The following TMEM132B variants were observed in gnomAD, a reference collection of about 807,000 sequenced individuals.
The protein encoded by TMEM132B is transmembrane protein 132B.
Under a neutral mutation model 90.8 loss-of-function variants are expected in TMEM132B, and 18 were observed. That is an observed-to-expected ratio of 0.20 (90% CI 0.14 to 0.29). The LOEUF is 0.29. Among genes scored for constraint, TMEM132B ranks in the 10% least tolerant of loss-of-function variants. The probability of loss-of-function intolerance (pLI) is 1.00; values close to 1 mark genes in which losing one functional copy is unlikely to be tolerated. For synonymous variants in TMEM132B, 504 were observed against 523.3 expected (o/e 0.96, Z 0.50); for missense variants, 1,096 against 1,326.8 (o/e 0.83, Z 2.70).
chr12:125,508,629 T>C (rs904705510), intron 3 of TMEM132B, among the ~76,000 whole-genome samples: 3 of 152,154 alleles, frequency 2.0e-5, no homozygotes, highest in Non-Finnish European at 4.4e-5. Flanking sequence ...TCAACTTGCC[T>C]ATTAGGCATG....
At chr12:125,315,952 TG>T (rs1299885062) in intron 1 of TMEM132B, among the ~76,000 whole-genome samples, 1 of 152,088 alleles carries the variant, frequency 6.6e-6, no homozygotes, top group Admixed American at 6.5e-5. Context: ...ACCCCCTGGA[TG>T]TTGCAGAAAT....
At chr12:125,589,265 G>C (rs920441864) in intron 5 of TMEM132B, among the ~76,000 whole-genome samples, 2 of 152,076 alleles carry the variant, frequency 1.3e-5, no homozygotes, top group Admixed American at 1.3e-4. Flanking sequence ...GGCAGATCAC[G>C]AGGTCAGGAG....
At chr12:125,290,472 CA>C (rs1247998881) in intron 1 of TMEM132B, among the ~76,000 whole-genome samples, 1 of 152,170 alleles carries the variant, frequency 6.6e-6, no homozygotes, top group African/African-American at 2.4e-5. Context: ...CTGAATTTAG[CA>C]ATTTTTCTTA....
At chr12:125,536,411 T>TG (rs1055204296) in intron 4 of TMEM132B, among the ~76,000 whole-genome samples, 4 of 152,168 alleles carry the variant, frequency 2.6e-5, no homozygotes, top group Non-Finnish European at 5.9e-5. Flanking sequence ...ATAAACCTCC[T>TG]GGGGGGCCAC....
chr12:125,331,144 T>A (rs1341008989), intron 1 of TMEM132B, among the ~76,000 whole-genome samples: 1 of 151,836 alleles, frequency 6.6e-6, no homozygotes, highest in Non-Finnish European at 1.5e-5. Context: ...GGAGCCGGAC[T>A]GGGAGCGGGG....
At chr12:125,645,947 G>A (rs12312883) in intron 6 of TMEM132B, among the ~76,000 whole-genome samples, 1 of 152,186 alleles carries the variant, frequency 6.6e-6, no homozygotes, top group African/African-American at 2.4e-5. Context: ...CATGGAAAAA[G>A]CCTCAACTGC....
intron 4 of TMEM132B, among the ~76,000 whole-genome samples, chr12:125,547,908 C>T (rs950232955): frequency 6.6e-6 from 1 of 152,180 alleles, no homozygotes; most frequent in Non-Finnish European, 1.5e-5. Context: ...AGCACATGGC[C>T]AAGAAGCAAT....
intron 1 of TMEM132B, among the ~76,000 whole-genome samples, chr12:125,215,229 T>G (rs192995567): frequency 2.6e-5 from 4 of 152,366 alleles, no homozygotes; most frequent in South Asian, 4.1e-4. Context: ...TGCCACTACC[T>G]TAATTTCCTG....
At chr12:125,418,849 A>G (rs7131812) in intron 3 of TMEM132B, among the ~76,000 whole-genome samples, 20,293 of 152,228 alleles carry the variant, frequency 0.13, 1,405 homozygotes, top group Non-Finnish European at 0.14. Flanking sequence ...AAACCACAAG[A>G]TAAAGAGTGG....
intron 4 of TMEM132B, among the ~76,000 whole-genome samples, chr12:125,535,196 C>G (rs1883764948): frequency 1.3e-5 from 2 of 152,244 alleles, no homozygotes; most frequent in Non-Finnish European, 2.9e-5. Context: ...GGCATCCCTA[C>G]TCACTTCATC....
At chr12:125,243,112 T>C (rs11610899) in intron 1 of TMEM132B, among the ~76,000 whole-genome samples, 58 of 19,688 alleles carry the variant, frequency 2.9e-3, no homozygotes, top group South Asian at 9.0e-3. Flanking sequence ...TATATACACA[T>C]ATATATATAT....
At chr12:125,522,222 G>A (rs1883326374) in intron 4 of TMEM132B, among the ~76,000 whole-genome samples, 1 of 152,138 alleles carries the variant, frequency 6.6e-6, no homozygotes, top group Admixed American at 6.5e-5. Context: ...TCCTTGTCTT[G>A]TGCAGATCCC....
At chr12:125,533,035 G>A (rs1216168447) in intron 4 of TMEM132B, among the ~76,000 whole-genome samples, 1 of 152,074 alleles carries the variant, frequency 6.6e-6, no homozygotes, top group Non-Finnish European at 1.5e-5. Flanking sequence ...ATCAGGAAAG[G>A]GCCCCTTCTC....
chr12:125,389,487 G>A (rs1239963491), intron 2 of TMEM132B, among the ~76,000 whole-genome samples: 1 of 151,950 alleles, frequency 6.6e-6, no homozygotes, highest in Non-Finnish European at 1.5e-5. Flanking sequence ...CACTTCCTGG[G>A]CTTGAATGCT....
intron 4 of TMEM132B, among the ~76,000 whole-genome samples, chr12:125,559,052 G>C (rs1592992816): frequency 6.6e-6 from 1 of 152,200 alleles, no homozygotes; most frequent in African/African-American, 2.4e-5. Flanking sequence ...ATAAAGTTGA[G>C]TCTTTGAGAA....
At chr12:125,234,303 C>G (rs1008904786) in intron 1 of TMEM132B, among the ~76,000 whole-genome samples, 3 of 152,196 alleles carry the variant, frequency 2.0e-5, no homozygotes, top group Non-Finnish European at 4.4e-5. Flanking sequence ...ATGTCCCATC[C>G]TGTGACACCA....
chr12:125,500,368 T>C (rs532272922), intron 3 of TMEM132B, among the ~76,000 whole-genome samples: 1 of 152,222 alleles, frequency 6.6e-6, no homozygotes, highest in Non-Finnish European at 1.5e-5. Context: ...GCCTCCTGGC[T>C]TCTACCCACT....
At chr12:125,482,202 T>C (rs527614108) in intron 3 of TMEM132B, among the ~76,000 whole-genome samples, 1 of 152,316 alleles carries the variant, frequency 6.6e-6, no homozygotes, top group East Asian at 1.9e-4. Context: ...GGACAAGGAC[T>C]TCATGACTAA....
In TMEM132B at chr12:125,654,169, T is replaced by C. The variant is rs370999817; in HGVS notation, c.2711T>C (p.Ile904Thr). 2 of 1,614,244 alleles carry C rather than the reference T, an allele frequency of 1.2e-6. No individual in the cohort carries two copies. The highest frequency in any genetic ancestry group is 1.7e-5 in the Admixed American group (1 of 60,032). ...TCAAGGGGGCTAACGGACTTGGAGA[T>C]TGGCATGTATGCCTTGCTCTGCGTC... is the stretch of plus-strand genomic sequence containing the variant. The part of the protein sequence containing the change: ...VTSRGLTDLE[I>T]GMYALLCVFC... The change falls in exon 9 of 9, where the codon ATT becomes ACT. Residue 904 changes from isoleucine (I) to threonine (T), a missense_variant. Physicochemically the swap from Ile to Thr is moderately conservative, Grantham distance 89. Coordinates refer to ENST00000682704, the MANE Select transcript of TMEM132B (RefSeq NM_001366854.1). This position sits in a 1 kb window ranked among gnomAD's most constrained non-coding sequence, Gnocchi z 5.8.
Sources: gnomAD v4.1 joint callset for allele counts (sites outside exome capture counted in the v4.1 genomes callset) on GRCh38, gnomAD v4.1.1 for gene constraint, Gnocchi (gnomAD v3.1) non-coding constraint, MANE v1.5 for transcripts, NCBI Gene and HGNC (gene_info 2026-07-23, HGNC 2026-07-21) for gene names.